PTPRG: variants seen among roughly 807,000 people sequenced by gnomAD.
PTPRG encodes the protein receptor-type tyrosine-protein phosphatase gamma.
PTPRG carries 102 observed loss-of-function variants against 165.3 expected under a neutral mutation model. That is an observed-to-expected ratio of 0.62 (90% confidence interval 0.53 to 0.73). The LOEUF is 0.73. Among genes scored for constraint, PTPRG ranks in the 30% least tolerant of loss-of-function variants. PTPRG has a pLI of 0.00. For missense variants in PTPRG, 1,866 were observed against 1,861.4 expected (o/e 1.00, Z -0.05); for synonymous variants, 675 against 669.5 (o/e 1.01, Z -0.13).
intron 1 of PTPRG, among the ~76,000 whole-genome samples, chr3:61,729,146 A>G (rs913548867): frequency 1.3e-5 from 2 of 152,138 alleles, no homozygotes; most frequent in Non-Finnish European, 2.9e-5. Context: ...TAAATACAGG[A>G]GCAAGGGTAA....
At chr3:61,584,923 TC>T (rs1700396502) in intron 1 of PTPRG, among the ~76,000 whole-genome samples, 2 of 152,240 alleles carry the variant, frequency 1.3e-5, no homozygotes, top group Admixed American at 6.5e-5. Context: ...GTCATTCTAA[TC>T]TCCACGTTTC....
chr3:61,585,562 T>A (rs1000767482), intron 1 of PTPRG, among the ~76,000 whole-genome samples: 1 of 151,566 alleles, frequency 6.6e-6, no homozygotes, highest in Non-Finnish European at 1.5e-5. Context: ...CTGGGCAACA[T>A]GGCAAAACCC....
intron 4 of PTPRG, among the ~76,000 whole-genome samples, chr3:62,039,471 C>T (rs966467809): frequency 1.3e-5 from 2 of 151,958 alleles, no homozygotes; most frequent in African/African-American, 2.4e-5. Flanking sequence ...AATTACTACA[C>T]GAAAGCACAG....
At chr3:61,587,748 C>A (rs1050473455) in intron 1 of PTPRG, among the ~76,000 whole-genome samples, 2 of 152,096 alleles carry the variant, frequency 1.3e-5, no homozygotes, top group Non-Finnish European at 2.9e-5. Flanking sequence ...CCTCAACCAC[C>A]TGGGCTCAAG....
intron 2 of PTPRG, among the ~76,000 whole-genome samples, chr3:61,857,764 G>A (rs953711350): frequency 3.3e-5 from 5 of 152,084 alleles, no homozygotes; most frequent in African/African-American, 4.8e-5. Flanking sequence ...TGTTGTTGGC[G>A]TCTTCATTTT....
intron 2 of PTPRG, among the ~76,000 whole-genome samples, chr3:61,811,394 T>C (rs989267318): frequency 6.6e-6 from 1 of 152,210 alleles, no homozygotes; most frequent in African/African-American, 2.4e-5. Flanking sequence ...ACCAAAATCC[T>C]TTTTTCCCCT....
chr3:61,670,343 C>T (rs1702936252), intron 1 of PTPRG, among the ~76,000 whole-genome samples: 1 of 152,170 alleles, frequency 6.6e-6, no homozygotes, highest in African/African-American at 2.4e-5. Flanking sequence ...GAATGTCTGC[C>T]AGTAACTAGT....
chr3:61,868,351 C>G (rs1439395171), intron 2 of PTPRG, among the ~76,000 whole-genome samples: 1 of 152,210 alleles, frequency 6.6e-6, no homozygotes, highest in Non-Finnish European at 1.5e-5. Context: ...TCCGAAATCC[C>G]TGAGTGCTAG....
chr3:61,923,692 A>ATTTTTTTTTTTT (rs71123241), intron 2 of PTPRG, among the ~76,000 whole-genome samples: 2 of 100,876 alleles, frequency 2.0e-5, no homozygotes, highest in African/African-American at 7.9e-5. Flanking sequence ...TATTTTTTGT[A>ATTTTTTTTTTTT]TTTTTTTTTT....
rs138206769 is a variant in PTPRG at position 61,713,567 on chromosome 3, C to A, written c.86-35311C>A. 3.9e-3 allele frequency among the ~76,000 whole-genome samples: 598 copies of A among 152,252 alleles called. 6 individuals are homozygous for A. The highest frequency in any genetic ancestry group is 0.014 in the African/African-American group (569 of 41,556). The stretch of plus-strand genomic sequence containing the variant: ...AGAATGAGGCAGATAAAATACCCTT[C>A]CCCTTCCCCATGGACCTTAAATTCA... On this transcript the variant is annotated intron_variant, in intron 1 of 29. Coordinates refer to ENST00000474889, the MANE Select transcript of PTPRG (RefSeq NM_002841.4).
intron 2 of PTPRG, among the ~76,000 whole-genome samples, chr3:61,757,522 A>C (rs2033670937): frequency 6.6e-6 from 1 of 152,156 alleles, no homozygotes; most frequent in Admixed American, 6.5e-5. Flanking sequence ...AAACATTGTC[A>C]GTGGCATTTC....
At position 61,739,829 on chromosome 3, in the gene PTPRG, G is replaced by A. The variant is rs542637072; in HGVS notation, c.86-9049G>A. Reference sequence around the variant, plus strand: ...CAAGTGGGACTGGGTGGAGAAGGCAGCTAGCTGGATATTCATGACTCTTCT... The same window carrying A: ...CAAGTGGGACTGGGTGGAGAAGGCAACTAGCTGGATATTCATGACTCTTCT... On this transcript the variant is annotated intron_variant, in intron 1 of 29. Transcript: ENST00000474889. Among the ~76,000 whole-genome samples, 56 of 152,322 alleles carry A rather than the reference G, an allele frequency of 3.7e-4. 1 individual carries two copies. In the South Asian group the frequency reaches 9.7e-3, roughly 26 times the overall value.
chr3:61,716,603 T>C (rs745523129), intron 1 of PTPRG, among the ~76,000 whole-genome samples: 1 of 152,224 alleles, frequency 6.6e-6, no homozygotes, highest in African/African-American at 2.4e-5. Context: ...TGAAGTGTCC[T>C]GAAGTCACAG....
chr3:62,257,071 T>G (rs1701553140), intron 16 of PTPRG, among the ~76,000 whole-genome samples: 1 of 152,146 alleles, frequency 6.6e-6, no homozygotes, highest in South Asian at 2.1e-4. Context: ...TTTTCAGGTT[T>G]GAAAGGTTTA....
intron 7 of PTPRG, 131 bp downstream of exon 7, chr3:62,157,355 T>G: frequency 2.1e-6 from 2 of 949,460 alleles, no homozygotes; most frequent in Non-Finnish European, 3.0e-6. Context: ...TCCTGCAGTC[T>G]TTCCCACAAA....
intron 2 of PTPRG, among the ~76,000 whole-genome samples, chr3:61,849,469 T>C (rs2036898403): frequency 6.6e-6 from 1 of 152,164 alleles, no homozygotes; most frequent in Admixed American, 6.5e-5. Context: ...AAGCTCTCCC[T>C]GAAAGATGGA....
At chr3:62,092,309 G>A (rs1406135136) in intron 5 of PTPRG, among the ~76,000 whole-genome samples, 3 of 151,728 alleles carry the variant, frequency 2.0e-5, no homozygotes, top group Admixed American at 6.6e-5. Flanking sequence ...CCGTGGTGGT[G>A]GGCGCCTGTA....
intron 2 of PTPRG, among the ~76,000 whole-genome samples, chr3:61,928,380 T>A (rs2039277885): frequency 6.6e-6 from 1 of 152,248 alleles, no homozygotes; most frequent in South Asian, 2.1e-4. Context: ...AATGAAACCC[T>A]ATCACATTTT....
In PTPRG at chr3:62,078,218, C is replaced by A; in HGVS notation, c.575C>A (p.Ser192Tyr). 1 of 1,610,406 alleles carries A rather than the reference C, an allele frequency of 6.2e-7. No individual in the cohort carries two copies. ...DDFDSFQTAI[S>Y]ENRIIGAMAI... ...TTTGACAGCTTTCAAACCGCAATTT[C>A]TGAGAACAGAATAATCGGAGCCATG... The change falls in exon 5 of 30, where the codon TCT becomes TAT. Residue 192 changes from serine to tyrosine, a missense_variant. Ser to Tyr is a moderately radical substitution (Grantham distance 144). Coordinates refer to ENST00000474889, the MANE Select transcript of PTPRG (RefSeq NM_002841.4).
Sources: allele counts gnomAD v4.1 joint callset (sites outside exome capture counted in the v4.1 genomes callset), GRCh38; gene constraint gnomAD v4.1.1; transcripts MANE v1.5; gene names NCBI Gene and HGNC (gene_info 2026-07-23, HGNC 2026-07-21).